The following POLE variants were observed in gnomAD, a reference collection of about 807,000 sequenced individuals.
POLE encodes DNA polymerase epsilon, catalytic subunit.
A neutral mutation model predicts 279.2 loss-of-function variants in POLE; 188 were observed. The observed-to-expected ratio is 0.67, with a 90% CI of 0.60 to 0.76. The LOEUF (loss-of-function observed/expected upper bound fraction) is 0.76, where lower values mean the gene tolerates loss of function less well. POLE is among the 30% of genes least tolerant of loss of function. POLE has a pLI of 0.00. For synonymous variants in POLE, 1,214 were observed against 1,172.5 expected, an observed-to-expected ratio of 1.04 and a Z score of -0.72; for missense variants, 2,703 against 3,016.7, an observed-to-expected ratio of 0.90 and a Z score of 2.44.
At position 132,626,314 on chromosome 12, in the gene POLE, G is replaced by A. The variant is rs373443211; in HGVS notation, c.6334C>T (p.Leu2112=). The change falls in exon 46 of 49, where the codon CTG becomes TTG. Residue 2112 remains leucine (L), a synonymous_variant. Coordinates refer to ENST00000320574, the MANE Select transcript of POLE (RefSeq NM_006231.4). ...TTTGTGATGTTGGTGTCCAGGGACA[G>A]CACCTGCAGAGACCACAGCCCACAT... The part of the protein sequence containing the change: ...LEFIKYVCKV[L]SLDTNITNQV... 76 of 1,613,338 alleles carry A rather than the reference G, an allele frequency of 4.7e-5. No homozygotes were observed. The highest frequency in any genetic ancestry group is 1.6e-4 in the Middle Eastern group (1 of 6,082).
rs2043029830 is a variant in POLE, at chr12:132,675,625, A to C, written c.1107-108T>G. The C allele has an allele frequency of 6.3e-7, 1 of 1,584,364 alleles. No homozygotes were observed. The highest frequency in any genetic ancestry group is 1.3e-5 in the African/African-American group (1 of 74,380). Reference sequence around the variant, plus strand: ...AGGAACCCAGACACGGGAGGTGCAGAGTGAACCCAGGAGCCACCTCCTAAG... The same window carrying C: ...AGGAACCCAGACACGGGAGGTGCAGCGTGAACCCAGGAGCCACCTCCTAAG... On this transcript the variant is annotated intron_variant, in intron 11 of 48. Transcript: ENST00000320574. This position sits in a 1 kb window ranked among gnomAD's most constrained non-coding sequence, Gnocchi z 4.3.
rs921653059 is a variant in POLE, at chr12:132,641,751, G to A, written c.5274C>T (p.Phe1758=). The A allele has an allele frequency of 3.1e-6, 5 of 1,611,626 alleles. No homozygotes were observed. Among genetic ancestry groups the A allele is most frequent in the Non-Finnish European group, 4.2e-6 (5 of 1,179,914 alleles). Residue 1758 remains phenylalanine (F), a synonymous_variant, in exon 39 of 49, where the codon TTC becomes TTT. Transcript: ENST00000320574. The part of the protein sequence containing the change: ...MEGADSMGIS[F]DVIQQASLED... ...CCAGGGAGGCCTGCTGGATCACGTCGAAGCTGATCCCCATGCTGTCGGCCC... is the reference window on the plus strand; with the variant it reads ...CCAGGGAGGCCTGCTGGATCACGTCAAAGCTGATCCCCATGCTGTCGGCCC...
At position 132,667,550 on chromosome 12, in the gene POLE, C is replaced by T. The variant is rs1210448190; in HGVS notation, c.2272G>A (p.Val758Met). 3 of 1,614,006 alleles carry T rather than the reference C, an allele frequency of 1.9e-6. No individual in the cohort carries two copies. The highest frequency in any genetic ancestry group is 1.6e-4 in the Middle Eastern group (1 of 6,062). The change falls in exon 20 of 49, where the codon GTG becomes ATG. Residue 758 changes from valine (V) to methionine (M), a missense_variant. This residue lies in a region of POLE where 1,011 missense variants were observed against 1,111.7 expected (regional missense o/e 0.91). Transcript: ENST00000320574. Reference protein sequence around the residue: ...QRENSFYVDTVRAFRDRRYEF... With the variant: ...QRENSFYVDTMRAFRDRRYEF... ...TAACGCCTGTCCCGGAAGGCACGCA[C>T]GGTGTCCACGTAGAAGGAGTTTTCC...
At position 132,639,555 on chromosome 12, in the gene POLE, T is replaced by C. The variant is rs1025283995; in HGVS notation, c.5379-257A>G. ...TCACCGCATCCCAAACTCTGTGTGT[T>C]CTAAAGCAGGACGGGAGGGCAGCAC... On this transcript the variant is annotated intron_variant, in intron 39 of 48. Coordinates refer to ENST00000320574, the MANE Select transcript of POLE (RefSeq NM_006231.4). This position sits in a 1 kb window ranked among gnomAD's most constrained non-coding sequence, Gnocchi z 4.7. Among the ~76,000 whole-genome samples the C allele has an allele frequency of 1.3e-4, 16 of 118,928 alleles. No individual in the cohort carries two copies. Among genetic ancestry groups the C allele is most frequent in the Admixed American group, 1.3e-3 (15 of 11,318 alleles). 78.0% of individuals were successfully genotyped at this position (118,928 alleles called of 152,430 possible). A position where few individuals can be genotyped will look rare whatever the true frequency, so the allele number is the denominator to read the frequency against.
intron 45 of POLE, among the ~76,000 whole-genome samples, chr12:132,628,713 A>G (rs74512971): frequency 1.5e-3 from 228 of 152,282 alleles, no homozygotes; most frequent in African/African-American, 5.3e-3. Context: ...CTCATCCATG[A>G]AAAGCCACTC....
At position 132,636,820 on chromosome 12, in the gene POLE, A is replaced by G. The variant is rs529102442; in HGVS notation, c.5679-796T>C. Among the ~76,000 whole-genome samples the G allele has an allele frequency of 3.9e-5, 6 of 152,318 alleles. No homozygotes were observed. In the South Asian group the frequency reaches 1.2e-3, roughly 32 times the overall value. On this transcript the variant is annotated intron_variant, in intron 41 of 48. Transcript: ENST00000320574. ...AAAGAAAGAGAGGAAGGAAGGAGGAACATCCTAAATCACAGTTTCAAAATG... is the reference window on the plus strand; with the variant it reads ...AAAGAAAGAGAGGAAGGAAGGAGGAGCATCCTAAATCACAGTTTCAAAATG...
chr12:132,634,359 C>A lies in POLE; in HGVS notation c.5831G>T (p.Gly1944Val). The A allele has an allele frequency of 2.5e-6, 4 of 1,613,548 alleles. No homozygotes were observed. The highest frequency in any genetic ancestry group is 3.4e-6 in the Non-Finnish European group (4 of 1,179,590). Residue 1944 changes from glycine to valine, a missense_variant, in exon 43 of 49, where the codon GGG becomes GTG. Physicochemically the swap from Gly to Val is moderately radical, Grantham distance 109. This residue lies in a region of POLE where 1,551 missense variants were observed against 1,686.1 expected (regional missense o/e 0.92). Coordinates refer to ENST00000320574, the MANE Select transcript of POLE (RefSeq NM_006231.4). This position sits in a 1 kb window ranked among gnomAD's most constrained non-coding sequence, Gnocchi z 4.0. ...ATTTTCCTGCTCATCCTCTGCTCCC[C>A]CTGCTTTCTGGGAGTCTTGCTGTAA... is the stretch of plus-strand genomic sequence containing the variant. Reference protein sequence around the residue: ...HCGLQDSQKAGGAEDEQENED... With the variant: ...HCGLQDSQKAVGAEDEQENED...
chr12:132,673,679 C>T lies in POLE; in HGVS notation c.1255G>A (p.Val419Met), dbSNP rs1211013221. The T allele has an allele frequency of 6.2e-7, 1 of 1,614,026 alleles. No homozygotes were observed. ...GCCGCCTTGAGATTATGACTGCCCACAGGAAGGTAACTGTCCCTCTTCACC... is the reference window on the plus strand; with the variant it reads ...GCCGCCTTGAGATTATGACTGCCCATAGGAAGGTAACTGTCCCTCTTCACC... ...RWVKRDSYLP[V>M]GSHNLKAAAK... Residue 419 changes from valine (V) to methionine (M), a missense_variant, in exon 13 of 49, where the codon GTG (valine) becomes ATG (methionine). Coordinates refer to ENST00000320574, the MANE Select transcript of POLE (RefSeq NM_006231.4).
rs765574111 is a variant in POLE at position 132,657,940 on chromosome 12, C to T, written c.3306G>A (p.Glu1102=). ...GGAGAAAGTGCTTCCTCACCGTGGGCTCTGCTTGGAAAATGGCAAGTGGGA... is the reference window on the plus strand; with the variant it reads ...GGAGAAAGTGCTTCCTCACCGTGGGTTCTGCTTGGAAAATGGCAAGTGGGA... ...RAIPLAIFQA[E]PTVRKHFLRK... The change falls in exon 27 of 49, where the codon GAG becomes GAA. Residue 1102 remains glutamate (E), a synonymous_variant. Coordinates refer to ENST00000320574, the MANE Select transcript of POLE (RefSeq NM_006231.4). The T allele has an allele frequency of 6.2e-7, 1 of 1,614,016 alleles. No homozygotes were observed. Among genetic ancestry groups the T allele is most frequent in the South Asian group, 1.1e-5 (1 of 91,078 alleles).
chr12:132,632,840 CAA>C lies in POLE; in HGVS notation c.6005-47_6005-46del, dbSNP rs767231760. ...CCACAGGCCCTGAGTCGGGCTGCTG[CAA>C]ACACCCTAGAATCTGAGGGGACCCA... On this transcript the variant is annotated intron_variant, in intron 43 of 48. Coordinates refer to ENST00000320574, the MANE Select transcript of POLE (RefSeq NM_006231.4). 43 of 1,550,672 alleles carry C rather than the reference CAA, an allele frequency of 2.8e-5. No homozygotes were observed. The Admixed American group carries it at 3.9e-4, about 14-fold the overall frequency.
chr12:132,629,550 C>T (rs1319268106), intron 45 of POLE, among the ~76,000 whole-genome samples: 1 of 152,212 alleles, frequency 6.6e-6, no homozygotes, highest in Non-Finnish European at 1.5e-5. Flanking sequence ...CCCTAAACCC[C>T]ATGAACCAAC....
In POLE at chr12:132,657,901, C is replaced by T. The variant is rs2042581703; in HGVS notation, c.3345G>A (p.Lys1115=). 6.2e-7 allele frequency: 1 copy of T among 1,613,960 alleles called. No homozygotes were observed. Among genetic ancestry groups the T allele is most frequent in the Non-Finnish European group, 8.5e-7 (1 of 1,179,928 alleles). ...TATCAAAGTCTTGAAGGGAAGAGCT[C>T]TTGAGCCATTTCCGGAGAAAGTGCT... The part of the protein sequence containing the change: ...VRKHFLRKWL[K]SSSLQDFDIR... The change falls in exon 27 of 49, where the codon AAG becomes AAA. Residue 1115 remains lysine (K), a synonymous_variant. Coordinates refer to ENST00000320574, the MANE Select transcript of POLE (RefSeq NM_006231.4).
chr12:132,644,599 A>T (rs929314754), intron 32 of POLE, among the ~76,000 whole-genome samples: 1 of 151,456 alleles, frequency 6.6e-6, no homozygotes. Flanking sequence ...TAGATGGCAA[A>T]AACTGAGAGA....
rs763054388 is a variant in POLE at position 132,632,324 on chromosome 12, G to GT, written c.6320dup (p.Tyr2107Ter). ...LNNPALEFIK[Y>*]VCKVLSLDTN... ...ACGCTGGCACTCTCACCTTGCACAC[G>GT]TATTTGATGAACTCCAGGGCAGGGT... The change falls in exon 45 of 49, where the codon TAC becomes TAAC. Residue 2107 changes from tyrosine to a stop codon, truncating the protein, a stop_gained and frameshift_variant. Transcript: ENST00000320574. LOFTEE classifies it high-confidence loss of function. The GT allele has an allele frequency of 6.2e-7, 1 of 1,613,674 alleles. No individual in the cohort carries two copies. The highest frequency in any genetic ancestry group is 1.7e-5 in the Admixed American group (1 of 60,028).
Position 132,633,165 on chromosome 12 carries a change from T to TCC in POLE, c.6005-371_6005-370insGG, listed in dbSNP as rs1263492067. 805 of 149,206 alleles carry TCC rather than the reference T, an allele frequency of 5.4e-3. 3 individuals are homozygous for TCC. The highest frequency in any genetic ancestry group is 9.6e-3 in the Admixed American group (145 of 15,080). 9.2% of individuals were successfully genotyped at this position (149,206 alleles called of 1,614,324 possible). ...GGCCTGTCACCTGGCACTTACCCTT[T>TCC]TTTTTTTTTTTTTTTGAGACACAGT... On this transcript the variant is annotated intron_variant, in intron 43 of 48. Coordinates refer to ENST00000320574, the MANE Select transcript of POLE (RefSeq NM_006231.4).
chr12:132,661,497 T>C lies in POLE; in HGVS notation c.2864+30A>G, dbSNP rs756595734. The C allele has an allele frequency of 2.5e-6, 4 of 1,611,322 alleles. No individual in the cohort carries two copies. The highest frequency in any genetic ancestry group is 3.4e-6 in the Non-Finnish European group (4 of 1,178,364). On this transcript the variant is annotated intron_variant, in intron 24 of 48. Transcript: ENST00000320574. The surrounding 1 kb of genome is among the most constrained non-coding windows in gnomAD (Gnocchi z 4.1). Reference sequence around the variant, plus strand: ...TTAATCTATCTCAATCCATGTCCTTTCTAAAGCACAAAAGCTATGAGAGTC... The same window carrying C: ...TTAATCTATCTCAATCCATGTCCTTCCTAAAGCACAAAAGCTATGAGAGTC...
chr12:132,657,035 G>C, intron 29 of POLE, 101 bp downstream of exon 29: 2 of 1,310,804 alleles, frequency 1.5e-6, no homozygotes, highest in South Asian at 2.6e-5. Context: ...TTCGATGCTT[G>C]AACAGAAGCT....
chr12:132,661,631 GGTGA>G lies in POLE; in HGVS notation c.2756_2759del (p.Leu919ProfsTer21). On this transcript the variant is annotated frameshift_variant, in exon 24 of 49. Coordinates refer to ENST00000320574, the MANE Select transcript of POLE (RefSeq NM_006231.4). LOFTEE classifies it high-confidence loss of function. The surrounding 1 kb of genome is among the most constrained non-coding windows in gnomAD (Gnocchi z 4.1). ...TGCTGTTCTCTGAGCGGGTGACGTA[GGTGA>G]GTGAGGACGGCTCAGCCAGCTCCTG... The G allele has an allele frequency of 6.2e-7, 1 of 1,614,202 alleles. No homozygotes were observed. The highest frequency in any genetic ancestry group is 8.5e-7 in the Non-Finnish European group (1 of 1,180,032).
At chr12:132,674,323 T>C (rs984259032) in intron 12 of POLE, among the ~76,000 whole-genome samples, 5 of 151,952 alleles carry the variant, frequency 3.3e-5, no homozygotes, top group African/African-American at 1.2e-4. Context: ...TGTGGCCTTC[T>C]TCTCTCACTT....
Sources: allele counts gnomAD v4.1 joint callset (sites outside exome capture counted in the v4.1 genomes callset), GRCh38; gene constraint gnomAD v4.1.1; regional missense constraint gnomAD v4.1.1; non-coding constraint Gnocchi (gnomAD v3.1); transcripts MANE v1.5; gene names NCBI Gene and HGNC (gene_info 2026-07-23, HGNC 2026-07-21).